TDRD7: variants seen among roughly 807,000 people sequenced by gnomAD.
The protein encoded by TDRD7 is tudor domain-containing protein 7.
Under a neutral mutation model 109.8 loss-of-function variants are expected in TDRD7, and 47 were observed. That is an observed-to-expected ratio of 0.43 (90% CI 0.34 to 0.55). The LOEUF is 0.55. TDRD7 is among the 20% of genes least tolerant of loss of function. TDRD7 has a pLI of 0.03. For missense variants in TDRD7, 1,164 were observed against 1,319.2 expected, an observed-to-expected ratio of 0.88 and a Z score of 1.82; for synonymous variants, 424 against 457.3, an observed-to-expected ratio of 0.93 and a Z score of 0.93.
At chr9:97,432,281 A>G (rs1275291155) in intron 4 of TDRD7, 43 bp downstream of exon 4, 1 of 1,530,642 alleles carries the variant, frequency 6.5e-7, no homozygotes, top group African/African-American at 1.4e-5. Context: ...AATCTAGGGT[A>G]AAAAGTGTTA....
At chr9:97,426,614 G>A (rs1827999123) in intron 1 of TDRD7, among the ~76,000 whole-genome samples, 1 of 152,086 alleles carries the variant, frequency 6.6e-6, no homozygotes, top group South Asian at 2.1e-4. Context: ...ATTAGCCTTG[G>A]CCTATACAAG....
chr9:97,441,347 ATAATT>A (rs139268200), intron 5 of TDRD7, among the ~76,000 whole-genome samples: 2,033 of 152,340 alleles, frequency 0.013, 27 homozygotes, highest in Middle Eastern at 0.054. Flanking sequence ...GGTTGGTTAA[ATAATT>A]TAATTATTCT....
chr9:97,492,913 C>T (rs1353861920), intron 16 of TDRD7, among the ~76,000 whole-genome samples: 2 of 152,114 alleles, frequency 1.3e-5, no homozygotes, highest in Non-Finnish European at 2.9e-5. Context: ...TAGAGAGAAG[C>T]GAGGTAGACT....
Position 97,470,626 on chromosome 9 carries a change from G to A in TDRD7, c.1698G>A (p.Lys566=). Residue 566 remains lysine, a synonymous_variant, in exon 9 of 17, where the codon AAG becomes AAA. Transcript: ENST00000355295. ...GCAAAGCATACAAATTAAACCCGAA[G>A]TTTTGTTCACTCTCATTTCAAGCTA... ...EKSKAYKLNP[K]FCSLSFQATK... 6.2e-7 allele frequency: 1 copy of A among 1,613,914 alleles called. No individual in the cohort carries two copies. The highest frequency in any genetic ancestry group is 8.5e-7 in the Non-Finnish European group (1 of 1,179,912).
At chr9:97,462,460 C>T (rs978825558) in intron 7 of TDRD7, among the ~76,000 whole-genome samples, 41 of 152,260 alleles carry the variant, frequency 2.7e-4, no homozygotes, top group South Asian at 6.2e-4. Flanking sequence ...TCTGCCCTCC[C>T]CACAAGACTT....
At chr9:97,485,592 T>C (rs373149924) in intron 15 of TDRD7, among the ~76,000 whole-genome samples, 1 of 152,216 alleles carries the variant, frequency 6.6e-6, no homozygotes, top group Non-Finnish European at 1.5e-5. Context: ...ACACCGAAAG[T>C]GTTTCCACCT....
rs770132586 is a variant in TDRD7, at chr9:97,480,962, T to TA, written c.2412+25dup. 5.0e-6 allele frequency: 8 copies of TA among 1,598,562 alleles called. No individual in the cohort carries two copies. The South Asian group carries it at 6.6e-5, about 13-fold the overall frequency. On this transcript the variant is annotated intron_variant, in intron 14 of 16. Transcript: ENST00000355295. The stretch of plus-strand genomic sequence containing the variant: ...AGGTTAGCTATCTTGTTGGGCCTGA[T>TA]ACATTTAGAAAGGGAGCTGGCAGCT...
intron 16 of TDRD7, among the ~76,000 whole-genome samples, chr9:97,491,741 G>C (rs150541369): frequency 6.6e-6 from 1 of 152,306 alleles, no homozygotes; most frequent in East Asian, 1.9e-4. Flanking sequence ...AACCCTGTGA[G>C]GTCAGGCTCT....
chr9:97,453,739 G>A (rs1307742502), intron 6 of TDRD7, among the ~76,000 whole-genome samples: 1 of 152,136 alleles, frequency 6.6e-6, no homozygotes, highest in African/African-American at 2.4e-5. Flanking sequence ...AAAAAAGCAG[G>A]TGTTGCAATC....
At chr9:97,484,339 C>A (rs1829174500) in intron 15 of TDRD7, among the ~76,000 whole-genome samples, 1 of 152,146 alleles carries the variant, frequency 6.6e-6, no homozygotes, top group Admixed American at 6.6e-5. Context: ...CCCCACTGTC[C>A]ACTTTCCACT....
At chr9:97,466,912 A>G (rs1828830221) in intron 8 of TDRD7, among the ~76,000 whole-genome samples, 2 of 152,180 alleles carry the variant, frequency 1.3e-5, no homozygotes, top group African/African-American at 2.4e-5. Context: ...ATCAAACTGT[A>G]TTGTAAACAG....
intron 6 of TDRD7, among the ~76,000 whole-genome samples, chr9:97,452,086 T>G (rs1460574281): frequency 6.6e-6 from 1 of 152,240 alleles, no homozygotes; most frequent in South Asian, 2.1e-4. Context: ...TGGCAGCTCA[T>G]GCTTGTAATC....
At chr9:97,452,858 A>G (rs1828523593) in intron 6 of TDRD7, among the ~76,000 whole-genome samples, 1 of 152,222 alleles carries the variant, frequency 6.6e-6, no homozygotes, top group Non-Finnish European at 1.5e-5. Flanking sequence ...AGCAGTTCCT[A>G]TTTGGAAGAA....
At chr9:97,483,846 CATT>C (rs1283440268) in intron 15 of TDRD7, among the ~76,000 whole-genome samples, 1 of 152,064 alleles carries the variant, frequency 6.6e-6, no homozygotes, top group Non-Finnish European at 1.5e-5. Flanking sequence ...TTTCACCTAA[CATT>C]ATGTCATGAA....
In TDRD7 at chr9:97,461,197, A is replaced by G. The variant is rs150573685; in HGVS notation, c.1442+433A>G. Among the ~76,000 whole-genome samples, 183 of 152,324 alleles carry G rather than the reference A, an allele frequency of 1.2e-3. 3 individuals are homozygous for G. The East Asian group carries it at 0.022, about 18-fold the overall frequency. ...TTCTATAGAGTTATAGTGAGGCTTA[A>G]TAATGTATTAATATTTGTTAATTGT... On this transcript the variant is annotated intron_variant, in intron 7 of 16. Coordinates refer to ENST00000355295, the MANE Select transcript of TDRD7 (RefSeq NM_014290.3).
At chr9:97,424,995 T>A (rs967091719) in intron 1 of TDRD7, among the ~76,000 whole-genome samples, 2 of 152,138 alleles carry the variant, frequency 1.3e-5, no homozygotes, top group African/African-American at 4.8e-5. Flanking sequence ...TATCCCTCTT[T>A]ATCATAGTCA....
chr9:97,431,253 A>G (rs1206983245), intron 3 of TDRD7, among the ~76,000 whole-genome samples, 179 bp downstream of exon 3: 2 of 152,240 alleles, frequency 1.3e-5, no homozygotes, highest in Non-Finnish European at 2.9e-5. Context: ...TGCGCTGAGC[A>G]TGACTTACTA....
chr9:97,459,678 A>G (rs1210293048), intron 6 of TDRD7, among the ~76,000 whole-genome samples: 1 of 152,234 alleles, frequency 6.6e-6, no homozygotes, highest in Non-Finnish European at 1.5e-5. Context: ...AACTGTACTT[A>G]TCTCTGGAGC....
intron 8 of TDRD7, among the ~76,000 whole-genome samples, chr9:97,468,818 T>C (rs760968111): frequency 1.2e-4 from 19 of 152,288 alleles, no homozygotes; most frequent in Non-Finnish European, 2.5e-4. Context: ...ACTGGGGCCT[T>C]ATGCCAGATT....
Sources: allele counts gnomAD v4.1 joint callset (sites outside exome capture counted in the v4.1 genomes callset), GRCh38; gene constraint gnomAD v4.1.1; transcripts MANE v1.5; gene names NCBI Gene and HGNC (gene_info 2026-07-23, HGNC 2026-07-21).